Variants in GNAZ observed in about 807,000 individuals in gnomAD.
GNAZ encodes the protein guanine nucleotide-binding protein G(z) subunit alpha.
GNAZ carries 3 observed loss-of-function variants against 25.4 expected under a neutral mutation model. The observed-to-expected ratio is 0.12, with a 90% CI of 0.05 to 0.30. The LOEUF is 0.30. Ranked by LOEUF, GNAZ falls within the 10% of genes least tolerant of loss-of-function variation. The pLI is 1.00. For synonymous variants in GNAZ, 211 were observed against 205.7 expected (o/e 1.03, Z -0.22); for missense variants, 241 against 501.8 (o/e 0.48, Z 4.97).
In GNAZ at chr22:23,096,226, C is replaced by T. The variant is rs1037005438; in HGVS notation, c.531C>T (p.Arg177=). 3 of 1,613,890 alleles carry T rather than the reference C, an allele frequency of 1.9e-6. No homozygotes were observed. Among genetic ancestry groups the T allele is most frequent in the Admixed American group, 3.3e-5 (2 of 60,032 alleles). The part of the protein sequence containing the change: ...DYIPTVEDIL[R]SRDMTTGIVE... ...TCCCCACTGTCGAGGACATCCTGCGCTCCCGGGACATGACCACGGGCATTG... is the reference window on the plus strand; with the variant it reads ...TCCCCACTGTCGAGGACATCCTGCGTTCCCGGGACATGACCACGGGCATTG... The change falls in exon 2 of 3, where the codon CGC becomes CGT. Residue 177 remains arginine, a synonymous_variant. Coordinates refer to ENST00000615612, the MANE Select transcript of GNAZ (RefSeq NM_002073.4).
rs55713577 is a variant in GNAZ, at chr22:23,081,821, CAAAAAAAAA to C, written c.-450+11265_-450+11273del. Among the ~76,000 whole-genome samples, 6 of 46,746 alleles carry C rather than the reference CAAAAAAAAA, an allele frequency of 1.3e-4. No homozygotes were observed. In the Admixed American group the frequency reaches 1.6e-3, roughly 13 times the overall value. The allele number at this position is 46,746 out of a possible 152,430, so 30.7% of individuals were successfully genotyped here. ...TGGGCAACAGAGTGAGATTCCATCT[CAAAAAAAAA>C]AAAAAAAAAAAAAGGCCAGGCGCAG... is the stretch of plus-strand genomic sequence containing the variant. On this transcript the variant is annotated intron_variant, in intron 1 of 2. Coordinates refer to ENST00000615612, the MANE Select transcript of GNAZ (RefSeq NM_002073.4).
intron 2 of GNAZ, among the ~76,000 whole-genome samples, chr22:23,107,419 T>G (rs1315708435): frequency 2.0e-5 from 3 of 152,162 alleles, no homozygotes; most frequent in Non-Finnish European, 4.4e-5. Context: ...CGGTGGCCTT[T>G]CTTATCCCCA....
chr22:23,105,169 C>T (rs1053687448), intron 2 of GNAZ, among the ~76,000 whole-genome samples: 1 of 152,198 alleles, frequency 6.6e-6, no homozygotes, highest in Non-Finnish European at 1.5e-5. Flanking sequence ...ACGGCCACAG[C>T]CCCACACACC....
intron 1 of GNAZ, among the ~76,000 whole-genome samples, chr22:23,090,435 C>G (rs974125342): frequency 1.3e-5 from 2 of 152,160 alleles, no homozygotes; most frequent in Non-Finnish European, 2.9e-5. Flanking sequence ...CATCCAGGAG[C>G]CTCCTCTGGT....
chr22:23,122,546 C>T (rs886325667), intron 2 of GNAZ: 1 of 154,244 alleles, frequency 6.5e-6, no homozygotes, highest in African/African-American at 2.4e-5. Context: ...AGGCTGCTCC[C>T]TCACAGACTT....
intron 1 of GNAZ, among the ~76,000 whole-genome samples, chr22:23,089,760 G>A (rs752303760): frequency 5.9e-5 from 9 of 152,150 alleles, no homozygotes; most frequent in South Asian, 2.1e-4. Context: ...GGAAGCAAGC[G>A]GCCCTCAGCA....
At chr22:23,106,175 A>C (rs1435549528) in intron 2 of GNAZ, among the ~76,000 whole-genome samples, 1 of 152,234 alleles carries the variant, frequency 6.6e-6, no homozygotes, top group Non-Finnish European at 1.5e-5. Context: ...ACCCTTGGGA[A>C]TACAGAGGCT....
chr22:23,085,966 C>T (rs911391322), intron 1 of GNAZ, among the ~76,000 whole-genome samples: 4 of 152,258 alleles, frequency 2.6e-5, no homozygotes, highest in Non-Finnish European at 5.9e-5. Context: ...CGCTAATCCC[C>T]GCTGTTTAAG....
At position 23,096,019 on chromosome 22, in the gene GNAZ, T is replaced by C; in HGVS notation, c.324T>C (p.Phe108=). The stretch of plus-strand genomic sequence containing the variant: ...GCGCCTACGACGCTGTGCAGCTCTT[T>C]GCGCTGACGGGCCCCGCTGAGAGCA... ...PDRAYDAVQL[F]ALTGPAESKG... The change falls in exon 2 of 3, where the codon TTT becomes TTC. Residue 108 remains phenylalanine, a synonymous_variant. Transcript: ENST00000615612. 1 of 1,607,372 alleles carries C rather than the reference T, an allele frequency of 6.2e-7. No individual in the cohort carries two copies. The highest frequency in any genetic ancestry group is 8.5e-7 in the Non-Finnish European group (1 of 1,179,954).
chr22:23,092,245 T>C (rs949872235), intron 1 of GNAZ, among the ~76,000 whole-genome samples: 1 of 152,274 alleles, frequency 6.6e-6, no homozygotes, highest in Admixed American at 6.5e-5. Flanking sequence ...TAGAGCCTTG[T>C]GTAAGAGCCA....
At chr22:23,103,612 A>C (rs1334910325) in intron 2 of GNAZ, among the ~76,000 whole-genome samples, 1 of 152,184 alleles carries the variant, frequency 6.6e-6, no homozygotes, top group Non-Finnish European at 1.5e-5. Context: ...ATTTAAGAGA[A>C]TCCTACTCCA....
chr22:23,082,135 CAAA>C (rs77916701), intron 1 of GNAZ, among the ~76,000 whole-genome samples: 4 of 137,538 alleles, frequency 2.9e-5, no homozygotes, highest in East Asian at 4.3e-4. Flanking sequence ...AAAAAAAAAA[CAAA>C]AAAAAAAAAC....
At chr22:23,108,725 A>G (rs905327898) in intron 2 of GNAZ, among the ~76,000 whole-genome samples, 7 of 152,240 alleles carry the variant, frequency 4.6e-5, no homozygotes, top group African/African-American at 1.7e-4. Context: ...AAGCTGTGTC[A>G]TGGCCTAGGA....
chr22:23,123,560 T>TCTGCCTCCTTGGCCC lies in GNAZ; in HGVS notation c.*131_*145dup. ...AAAGAATGTCCCCCACCCCTTGGCC[T>TCTGCCTCCTTGGCCC]CTGCCTCCTTGGCCCCACATTTCTG... On this transcript the variant is annotated 3_prime_UTR_variant, in exon 3 of 3. Transcript: ENST00000615612. 1.6e-6 allele frequency: 1 copy of TCTGCCTCCTTGGCCC among 623,426 alleles called. No homozygotes were observed. The highest frequency in any genetic ancestry group is 2.8e-6 in the Non-Finnish European group (1 of 354,150). The allele number at this position is 623,426 out of a possible 1,614,324, so 38.6% of individuals were successfully genotyped here.
In GNAZ at chr22:23,124,166, A is replaced by C. The variant is rs1212922959; in HGVS notation, c.*735A>C. The C allele has an allele frequency of 4.4e-6, 1 of 228,428 alleles. No homozygotes were observed. The highest frequency in any genetic ancestry group is 1.3e-4 in the East Asian group (1 of 7,450). 14.2% of individuals were successfully genotyped at this position (228,428 alleles called of 1,614,324 possible). A position where few individuals can be genotyped will look rare whatever the true frequency, so the allele number is the denominator to read the frequency against. On this transcript the variant is annotated 3_prime_UTR_variant, in exon 3 of 3. Transcript: ENST00000615612. ...CTACTAGTCTGATGTTTTATAAATC[A>C]AAACCTGGTTTTCCTTCTCTGACAT...
intron 2 of GNAZ, among the ~76,000 whole-genome samples, chr22:23,117,248 G>GA (rs397689966): frequency 2.7e-5 from 4 of 150,508 alleles, no homozygotes; most frequent in African/African-American, 9.8e-5. Context: ...GGGAATGAGA[G>GA]GGGCTGAGCC....
chr22:23,076,712 C>T (rs191099183), intron 1 of GNAZ, among the ~76,000 whole-genome samples: 21 of 152,348 alleles, frequency 1.4e-4, no homozygotes. Flanking sequence ...CCTTCAGAGG[C>T]ATGTCTATGG....
At chr22:23,110,702 A>C (rs1002705781) in intron 2 of GNAZ, among the ~76,000 whole-genome samples, 7 of 152,232 alleles carry the variant, frequency 4.6e-5, no homozygotes, top group African/African-American at 1.2e-4. Context: ...TCTGAGGGTG[A>C]GGGTGTCCAC....
chr22:23,085,957 G>A (rs985839166), intron 1 of GNAZ, among the ~76,000 whole-genome samples: 7 of 152,240 alleles, frequency 4.6e-5, no homozygotes, highest in Non-Finnish European at 1.0e-4. Flanking sequence ...TCCAGCAGGC[G>A]CTAATCCCCG....
Sources: allele counts gnomAD v4.1 joint callset (sites outside exome capture counted in the v4.1 genomes callset), GRCh38; gene constraint gnomAD v4.1.1; transcripts MANE v1.5; gene names NCBI Gene and HGNC (gene_info 2026-07-23, HGNC 2026-07-21).